The following FZD10 variants were observed in gnomAD, a reference collection of about 807,000 sequenced individuals.
FZD10 encodes frizzled class receptor 10.
Under a neutral mutation model 24.4 loss-of-function variants are expected in FZD10, and 14 were observed. That is an observed-to-expected ratio of 0.57 (90% CI 0.38 to 0.90). The LOEUF is 0.90. Among genes scored for constraint, FZD10 ranks in the 40% least tolerant of loss-of-function variants. The pLI, the probability that FZD10 is intolerant of heterozygous loss-of-function variation, is 0.00. For missense variants in FZD10, 775 were observed against 816.6 expected (o/e 0.95, Z 0.62); for synonymous variants, 381 against 349.1 (o/e 1.09, Z -1.02).
Position 130,163,663 on chromosome 12 carries a change from T to A in FZD10, c.721T>A (p.Ser241Thr). Residue 241 changes from serine to threonine, a missense_variant, in exon 1 of 1, where the codon TCC (serine) becomes ACC (threonine). Transcript: ENST00000229030. ...LAIWAVLCFF[S>T]SAFTVLTFLI... ...CATCTGGGCGGTGCTGTGCTTCTTC[T>A]CCAGCGCCTTCACCGTGCTCACCTT... The A allele has an allele frequency of 6.2e-7, 1 of 1,613,402 alleles. No individual in the cohort carries two copies. Among genetic ancestry groups the A allele is most frequent in the Non-Finnish European group, 8.5e-7 (1 of 1,180,030 alleles).
Position 130,163,494 on chromosome 12 carries a change from CG to C in FZD10, c.557del (p.Gly186AlafsTer179), listed in dbSNP as rs773617704. 1.3e-6 allele frequency: 2 copies of C among 1,590,026 alleles called. No individual in the cohort carries two copies. The highest frequency in any genetic ancestry group is 1.7e-6 in the Non-Finnish European group (2 of 1,168,982). On this transcript the variant is annotated frameshift_variant, in exon 1 of 1. Transcript: ENST00000229030. LOFTEE classifies it high-confidence loss of function. Reference sequence around the variant, plus strand: ...GCGCGCAGGAGCACCCGCTGAAGGACGGGGGCCCCGGGCGCGGCGGCTGCGA... The same window carrying C: ...GCGCGCAGGAGCACCCGCTGAAGGACGGGGCCCCGGGCGCGGCGGCTGCGA... ...HSAQEHPLKDGGPGRGGCDNP... is the reference protein window; with the variant it reads ...HSAQEHPLKDXGPGRGGCDNP...
chr12:130,163,923 G>T lies in FZD10; in HGVS notation c.981G>T (p.Trp327Cys). The change falls in exon 1 of 1, where the codon TGG becomes TGT. Residue 327 changes from tryptophan (W) to cysteine (C), a missense_variant. Transcript: ENST00000229030. Reference protein sequence around the residue: ...YYFGMASSLWWVVLTLTWFLA... With the variant: ...YYFGMASSLWCVVLTLTWFLA... ...TCGGCATGGCCAGCTCGCTGTGGTG[G>T]GTGGTCCTCACGCTCACCTGGTTCC... 1 of 1,613,846 alleles carries T rather than the reference G, an allele frequency of 6.2e-7. No individual in the cohort carries two copies. Among genetic ancestry groups the T allele is most frequent in the Non-Finnish European group, 8.5e-7 (1 of 1,180,042 alleles).
Position 130,163,483 on chromosome 12 carries a change from C to A in FZD10, c.541C>A (p.Pro181Thr). 2 of 1,602,634 alleles carry A rather than the reference C, an allele frequency of 1.2e-6. No homozygotes were observed. The highest frequency in any genetic ancestry group is 1.7e-6 in the Non-Finnish European group (2 of 1,174,536). Residue 181 changes from proline to threonine, a missense_variant, in exon 1 of 1, where the codon CCG (proline) becomes ACG (threonine). Transcript: ENST00000229030. ...PQRPHSAQEHPLKDGGPGRGG... is the reference protein window; with the variant it reads ...PQRPHSAQEHTLKDGGPGRGG... Reference sequence around the variant, plus strand: ...GCGGCCCCACAGCGCGCAGGAGCACCCGCTGAAGGACGGGGGCCCCGGGCG... The same window carrying A: ...GCGGCCCCACAGCGCGCAGGAGCACACGCTGAAGGACGGGGGCCCCGGGCG...
Position 130,164,724 on chromosome 12 carries a change from G to A in FZD10, c.*36G>A. 1 of 1,414,880 alleles carries A rather than the reference G, an allele frequency of 7.1e-7. No individual in the cohort carries two copies. Among genetic ancestry groups the A allele is most frequent in the South Asian group, 1.4e-5 (1 of 73,332 alleles). 87.6% of individuals were successfully genotyped at this position (1,414,880 alleles called of 1,614,324 possible). A position where few individuals can be genotyped will look rare whatever the true frequency, so the allele number is the denominator to read the frequency against. On this transcript the variant is annotated 3_prime_UTR_variant, in exon 1 of 1. Transcript: ENST00000229030. The surrounding 1 kb of genome is among the most constrained non-coding windows in gnomAD (Gnocchi z 5.3). ...AGGGAAGGGCACAGGGGCGCCCGGA[G>A]CTAAGATGTGGTGCTTTTCTTGGTT...
chr12:130,164,129 G>A lies in FZD10; in HGVS notation c.1187G>A (p.Gly396Asp), dbSNP rs891296853. ...AGCATGGACGTCAACGCGCTCACCGGCTTCGTGCTCATTCCCCTGGCCTGC... is the reference window on the plus strand; with the variant it reads ...AGCATGGACGTCAACGCGCTCACCGACTTCGTGCTCATTCCCCTGGCCTGC... ...VGSMDVNALTGFVLIPLACYL... is the reference protein window; with the variant it reads ...VGSMDVNALTDFVLIPLACYL... The change falls in exon 1 of 1, where the codon GGC (glycine) becomes GAC (aspartate). Residue 396 changes from glycine to aspartate, a missense_variant. Coordinates refer to ENST00000229030, the MANE Select transcript of FZD10 (RefSeq NM_007197.4). This position sits in a 1 kb window ranked among gnomAD's most constrained non-coding sequence, Gnocchi z 5.3. 6.2e-7 allele frequency: 1 copy of A among 1,613,786 alleles called. No individual in the cohort carries two copies. The highest frequency in any genetic ancestry group is 1.3e-5 in the African/African-American group (1 of 74,940).
chr12:130,164,058 GC>G lies in FZD10; in HGVS notation c.1117del (p.Arg373AlafsTer54). On this transcript the variant is annotated frameshift_variant, in exon 1 of 1. Transcript: ENST00000229030. LOFTEE classifies it high-confidence loss of function. This position sits in a 1 kb window ranked among gnomAD's most constrained non-coding sequence, Gnocchi z 5.3. ...AVKTILILVM[R>X]RVAGDELTGV... The stretch of plus-strand genomic sequence containing the variant: ...TGAAGACCATCCTGATCCTGGTCAT[GC>G]GCAGGGTGGCGGGGGACGAGCTCAC... 1 of 1,613,722 alleles carries G rather than the reference GC, an allele frequency of 6.2e-7. No individual in the cohort carries two copies. Among genetic ancestry groups the G allele is most frequent in the Non-Finnish European group, 8.5e-7 (1 of 1,180,020 alleles).
chr12:130,163,510 G>C lies in FZD10; in HGVS notation c.568G>C (p.Gly190Arg), dbSNP rs1480081275. 1 of 1,583,854 alleles carries C rather than the reference G, an allele frequency of 6.3e-7. No individual in the cohort carries two copies. The highest frequency in any genetic ancestry group is 1.2e-5 in the South Asian group (1 of 86,940). ...HPLKDGGPGRGGCDNPGKFHH... is the reference protein window; with the variant it reads ...HPLKDGGPGRRGCDNPGKFHH... ...GCTGAAGGACGGGGGCCCCGGGCGC[G>C]GCGGCTGCGACAACCCGGGCAAGTT... The change falls in exon 1 of 1, where the codon GGC (glycine) becomes CGC (arginine). Residue 190 changes from glycine to arginine, a missense_variant. Gly to Arg is a moderately radical substitution (Grantham distance 125). Transcript: ENST00000229030.
In FZD10 at chr12:130,164,928, C is replaced by T; in HGVS notation, c.*240C>T. 2.3e-6 allele frequency: 1 copy of T among 432,060 alleles called. No homozygotes were observed. The allele number at this position is 432,060 out of a possible 1,614,324, so 26.8% of individuals were successfully genotyped here. A position where few individuals can be genotyped will look rare whatever the true frequency, so the allele number is the denominator to read the frequency against. On this transcript the variant is annotated 3_prime_UTR_variant, in exon 1 of 1. Coordinates refer to ENST00000229030, the MANE Select transcript of FZD10 (RefSeq NM_007197.4). This position sits in a 1 kb window ranked among gnomAD's most constrained non-coding sequence, Gnocchi z 5.3. Reference sequence around the variant, plus strand: ...GGAAGCTCCTCCAGTGAAGTAGCCTCTTGTGTAACTAATTTGTGGTAAAGT... The same window carrying T: ...GGAAGCTCCTCCAGTGAAGTAGCCTTTTGTGTAACTAATTTGTGGTAAAGT...
At position 130,162,593 on chromosome 12, in the gene FZD10, G is replaced by C. The variant is rs563997060; in HGVS notation, c.-350G>C. The C allele has an allele frequency of 9.8e-3, 1,546 of 157,588 alleles. 24 individuals are homozygous for C. Among genetic ancestry groups the C allele is most frequent in the African/African-American group, 0.035 (1,445 of 41,624 alleles). The allele number at this position is 157,588 out of a possible 1,614,324, so 9.8% of individuals were successfully genotyped here. A position where few individuals can be genotyped will look rare whatever the true frequency, so the allele number is the denominator to read the frequency against. ...GGGCCGGCCTCGGTGTGCCCGCGCC[G>C]CCAGCCCGCTCCAGACGCGCCACCT... On this transcript the variant is annotated 5_prime_UTR_variant, in exon 1 of 1. Coordinates refer to ENST00000229030, the MANE Select transcript of FZD10 (RefSeq NM_007197.4).
Position 130,163,131 on chromosome 12 carries a change from G to A in FZD10, c.189G>A (p.Glu63=), listed in dbSNP as rs1871704623. 1 of 1,612,812 alleles carries A rather than the reference G, an allele frequency of 6.2e-7. No homozygotes were observed. Among genetic ancestry groups the A allele is most frequent in the African/African-American group, 1.3e-5 (1 of 74,916 alleles). The change falls in exon 1 of 1, where the codon GAG becomes GAA. Residue 63 remains glutamate (E), a synonymous_variant. Transcript: ENST00000229030. Reference sequence around the variant, plus strand: ...TGATGGGCCACGAGAACCAGCGCGAGGCAGCCATCCAGTTGCACGAGTTCG... The same window carrying A: ...TGATGGGCCACGAGAACCAGCGCGAAGCAGCCATCCAGTTGCACGAGTTCG... ...PNLMGHENQR[E]AAIQLHEFAP... is the part of the protein sequence containing the mutation.
Position 130,163,566 on chromosome 12 carries a change from G to A in FZD10, c.624G>A (p.Ala208=). Residue 208 remains alanine (A), a synonymous_variant, in exon 1 of 1, where the codon GCG becomes GCA. Coordinates refer to ENST00000229030, the MANE Select transcript of FZD10 (RefSeq NM_007197.4). The stretch of plus-strand genomic sequence containing the variant: ...ACGTGGAGAAGAGCGCGTCGTGCGC[G>A]CCGCTCTGCACGCCCGGCGTGGACG... ...FHHVEKSASC[A]PLCTPGVDVY... is the part of the protein sequence containing the mutation. 1 of 1,604,586 alleles carries A rather than the reference G, an allele frequency of 6.2e-7. No individual in the cohort carries two copies. The highest frequency in any genetic ancestry group is 8.5e-7 in the Non-Finnish European group (1 of 1,174,688).
chr12:130,163,478 A>G lies in FZD10; in HGVS notation c.536A>G (p.Glu179Gly). The G allele has an allele frequency of 1.2e-6, 2 of 1,604,756 alleles. No individual in the cohort carries two copies. Among genetic ancestry groups the G allele is most frequent in the South Asian group, 2.2e-5 (2 of 90,680 alleles). Reference sequence around the variant, plus strand: ...CCGCAGCGGCCCCACAGCGCGCAGGAGCACCCGCTGAAGGACGGGGGCCCC... The same window carrying G: ...CCGCAGCGGCCCCACAGCGCGCAGGGGCACCCGCTGAAGGACGGGGGCCCC... Reference protein sequence around the residue: ...FRPQRPHSAQEHPLKDGGPGR... With the variant: ...FRPQRPHSAQGHPLKDGGPGR... The change falls in exon 1 of 1, where the codon GAG becomes GGG. Residue 179 changes from glutamate (E) to glycine (G), a missense_variant. Glu to Gly is a moderately conservative substitution (Grantham distance 98). Transcript: ENST00000229030.
In FZD10 at chr12:130,162,881, T is replaced by C. The variant is rs1871693551; in HGVS notation, c.-62T>C. ...GAGAGCCGGGGCCAGCAGCAGCCCG[T>C]GCCCGGGAGCGGCGGCGCTGAGGGG... On this transcript the variant is annotated 5_prime_UTR_variant, in exon 1 of 1. Transcript: ENST00000229030. The C allele has an allele frequency of 1.4e-5, 19 of 1,312,328 alleles. No homozygotes were observed. Among genetic ancestry groups the C allele is most frequent in the Non-Finnish European group, 1.6e-5 (16 of 988,758 alleles). The allele number at this position is 1,312,328 out of a possible 1,614,324, so 81.3% of individuals were successfully genotyped here. A position where few individuals can be genotyped will look rare whatever the true frequency, so the allele number is the denominator to read the frequency against.
chr12:130,162,829 G>A lies in FZD10; in HGVS notation c.-114G>A. Reference sequence around the variant, plus strand: ...GCAGCGCTCGGGCCAGGCCGGGCGGGCATGGGCGGGGGCCCGAGCAGGGGT... The same window carrying A: ...GCAGCGCTCGGGCCAGGCCGGGCGGACATGGGCGGGGGCCCGAGCAGGGGT... On this transcript the variant is annotated 5_prime_UTR_variant, in exon 1 of 1. Transcript: ENST00000229030. 2.9e-6 allele frequency: 2 copies of A among 679,350 alleles called. No homozygotes were observed. The highest frequency in any genetic ancestry group is 7.0e-5 in the East Asian group (2 of 28,634). The allele number at this position is 679,350 out of a possible 1,614,324, so 42.1% of individuals were successfully genotyped here. A position where few individuals can be genotyped will look rare whatever the true frequency, so the allele number is the denominator to read the frequency against.
At position 130,165,261 on chromosome 12, in the gene FZD10, C is replaced by T. The variant is rs1290219057; in HGVS notation, c.*573C>T. 2 of 167,078 alleles carry T rather than the reference C, an allele frequency of 1.2e-5. No individual in the cohort carries two copies. Among genetic ancestry groups the T allele is most frequent in the Non-Finnish European group, 1.5e-5 (1 of 68,132 alleles). 10.3% of individuals were successfully genotyped at this position (167,078 alleles called of 1,614,324 possible). Reference sequence around the variant, plus strand: ...AATAGTCTCTCTGCAAGACAGAAACCTCCATCAAACCTCACATTTGTGAAC... The same window carrying T: ...AATAGTCTCTCTGCAAGACAGAAACTTCCATCAAACCTCACATTTGTGAAC... On this transcript the variant is annotated 3_prime_UTR_variant, in exon 1 of 1. Transcript: ENST00000229030.
Position 130,164,632 on chromosome 12 carries a change from C to T in FZD10, c.1690C>T (p.Gln564Ter), listed in dbSNP as rs1435668373. ...GGIYKKAQHP[Q>*]KTHHGKYEIP... ...GATTTACAAAAAAGCCCAGCATCCC[C>T]AGAAAACTCACCACGGGAAATATGA... is the stretch of plus-strand genomic sequence containing the variant. The change falls in exon 1 of 1, where the codon CAG (glutamine) becomes TAG (stop). Residue 564 changes from glutamine to a stop codon, truncating the protein, a stop_gained. Coordinates refer to ENST00000229030, the MANE Select transcript of FZD10 (RefSeq NM_007197.4). LOFTEE classifies it high-confidence loss of function. The surrounding 1 kb of genome is among the most constrained non-coding windows in gnomAD (Gnocchi z 5.3). The T allele has an allele frequency of 6.2e-7, 1 of 1,612,548 alleles. No homozygotes were observed. The highest frequency in any genetic ancestry group is 2.2e-5 in the East Asian group (1 of 44,864).
chr12:130,164,153 G>A lies in FZD10; in HGVS notation c.1211G>A (p.Cys404Tyr). 1 of 1,614,028 alleles carries A rather than the reference G, an allele frequency of 6.2e-7. No individual in the cohort carries two copies. The highest frequency in any genetic ancestry group is 8.5e-7 in the Non-Finnish European group (1 of 1,180,036). ...GGCTTCGTGCTCATTCCCCTGGCCT[G>A]CTACCTGGTCATCGGCACGTCCTTC... Reference protein sequence around the residue: ...LTGFVLIPLACYLVIGTSFIL... With the variant: ...LTGFVLIPLAYYLVIGTSFIL... Residue 404 changes from cysteine (C) to tyrosine (Y), a missense_variant, in exon 1 of 1, where the codon TGC (cysteine) becomes TAC (tyrosine). By Grantham distance (194) the Cys-to-Tyr change is radical (BLOSUM62 -2). Transcript: ENST00000229030. The surrounding 1 kb of genome is among the most constrained non-coding windows in gnomAD (Gnocchi z 5.3).
Position 130,163,694 on chromosome 12 carries a change from T to A in FZD10, c.752T>A (p.Ile251Asn), listed in dbSNP as rs1271398216. 6.2e-7 allele frequency: 1 copy of A among 1,613,730 alleles called. No individual in the cohort carries two copies. Among genetic ancestry groups the A allele is most frequent in the Non-Finnish European group, 8.5e-7 (1 of 1,180,028 alleles). The change falls in exon 1 of 1, where the codon ATC becomes AAC. Residue 251 changes from isoleucine to asparagine, a missense_variant. By Grantham distance (149) the Ile-to-Asn change is moderately radical. Transcript: ENST00000229030. ...GCCTTCACCGTGCTCACCTTCCTCA[T>A]CGACCCGGCCCGCTTCCGCTACCCC... ...SSAFTVLTFL[I>N]DPARFRYPER... is the part of the protein sequence containing the mutation.
At position 130,164,102 on chromosome 12, in the gene FZD10, G is replaced by A. The variant is rs1871752800; in HGVS notation, c.1160G>A (p.Gly387Asp). ...GDELTGVCYV[G>D]SMDVNALTGF... ...GAGCTCACCGGGGTCTGCTACGTGG[G>A]CAGCATGGACGTCAACGCGCTCACC... is the stretch of plus-strand genomic sequence containing the variant. The change falls in exon 1 of 1, where the codon GGC (glycine) becomes GAC (aspartate). Residue 387 changes from glycine to aspartate, a missense_variant. Physicochemically the swap from Gly to Asp is moderately conservative, Grantham distance 94. Transcript: ENST00000229030. This position sits in a 1 kb window ranked among gnomAD's most constrained non-coding sequence, Gnocchi z 5.3. 6.2e-7 allele frequency: 1 copy of A among 1,613,680 alleles called. No individual in the cohort carries two copies. Among genetic ancestry groups the A allele is most frequent in the Non-Finnish European group, 8.5e-7 (1 of 1,179,964 alleles).
Sources: allele counts gnomAD v4.1 joint callset, GRCh38; gene constraint gnomAD v4.1.1; non-coding constraint Gnocchi (gnomAD v3.1); transcripts MANE v1.5; gene names NCBI Gene and HGNC (gene_info 2026-07-23, HGNC 2026-07-21).